The following TRIP4 variants were observed in gnomAD, a reference collection of about 807,000 sequenced individuals.
TRIP4 encodes the protein thyroid hormone receptor interactor 4, also known as activating signal cointegrator 1.
A neutral mutation model predicts 81.8 loss-of-function variants in TRIP4; 54 were observed. That is an observed-to-expected ratio of 0.66 (90% CI 0.53 to 0.83). The LOEUF (loss-of-function observed/expected upper bound fraction) is 0.83. Among genes scored for constraint, TRIP4 ranks in the 40% least tolerant of loss-of-function variants. The probability of loss-of-function intolerance (pLI) is 0.00; values close to 1 mark genes in which losing one functional copy is unlikely to be tolerated. For missense variants in TRIP4, 662 were observed against 683.6 expected (o/e 0.97, Z 0.35); for synonymous variants, 270 against 242.8 (o/e 1.11, Z -1.04).
rs1001164437 is a variant in TRIP4 at position 64,430,502 on chromosome 15, C to CT, written c.1575+4882dup. Reference sequence around the variant, plus strand: ...AACCTCAATAGTAAGGCAGTTAAAACTTTTTTTTTTTAACAAAGACATTTT... The same window carrying CT: ...AACCTCAATAGTAAGGCAGTTAAAACTTTTTTTTTTTTAACAAAGACATTTT... On this transcript the variant is annotated intron_variant, in intron 11 of 12. Coordinates refer to ENST00000261884, the MANE Select transcript of TRIP4 (RefSeq NM_016213.5). Among the ~76,000 whole-genome samples the CT allele has an allele frequency of 6.0e-3, 895 of 148,324 alleles. 5 individuals carry two copies. The highest frequency in any genetic ancestry group is 0.019 in the African/African-American group (765 of 40,684).
At chr15:64,444,332 C>T (rs901870312) in intron 11 of TRIP4, among the ~76,000 whole-genome samples, 4 of 152,180 alleles carry the variant, frequency 2.6e-5, no homozygotes, top group Non-Finnish European at 4.4e-5. Flanking sequence ...TAGTCTTACT[C>T]TAGGTTCTGT....
rs932324086 is a variant in TRIP4 at position 64,427,296 on chromosome 15, C to T, written c.1575+1665C>T. ...ATTTTTCCCAGCAAATTCTCTTTTTCAGACTTACTTACCTTTCATTACTGT... is the reference window on the plus strand; with the variant it reads ...ATTTTTCCCAGCAAATTCTCTTTTTTAGACTTACTTACCTTTCATTACTGT... On this transcript the variant is annotated intron_variant, in intron 11 of 12. Coordinates refer to ENST00000261884, the MANE Select transcript of TRIP4 (RefSeq NM_016213.5). Among the ~76,000 whole-genome samples the T allele has an allele frequency of 2.6e-5, 4 of 152,198 alleles. No individual in the cohort carries two copies. The East Asian group carries it at 7.7e-4, about 29-fold the overall frequency.
chr15:64,412,232 T>A (rs1352216454), intron 7 of TRIP4, among the ~76,000 whole-genome samples: 1 of 152,174 alleles, frequency 6.6e-6, no homozygotes, highest in Non-Finnish European at 1.5e-5. Flanking sequence ...TACTTATCAT[T>A]TTACTGTGTC....
At position 64,424,135 on chromosome 15, in the gene TRIP4, A is replaced by T. The variant is rs146669882; in HGVS notation, c.1463A>T (p.Tyr488Phe). ...GAAGTCTCAGAACTCCAGGCTACAT[A>T]TCGTCTTCTTCGTGGGAAAGGTAAC... ...PQEVSELQAT[Y>F]RLLRGKDVEF... Residue 488 changes from tyrosine to phenylalanine, a missense_variant, in exon 10 of 13, where the codon TAT becomes TTT. Physicochemically the swap from Tyr to Phe is conservative, Grantham distance 22 (BLOSUM62 3). Coordinates refer to ENST00000261884, the MANE Select transcript of TRIP4 (RefSeq NM_016213.5). 1.1e-5 allele frequency: 17 copies of T among 1,614,056 alleles called. No individual in the cohort carries two copies. The highest frequency in any genetic ancestry group is 1.7e-5 in the Admixed American group (1 of 60,002).
At chr15:64,447,270 G>A (rs1197409889) in intron 12 of TRIP4, among the ~76,000 whole-genome samples, 2 of 152,162 alleles carry the variant, frequency 1.3e-5, no homozygotes, top group African/African-American at 4.8e-5. Flanking sequence ...TGTGTGAATT[G>A]CATGATTCTA....
chr15:64,433,558 C>T (rs932154781), intron 11 of TRIP4, among the ~76,000 whole-genome samples: 14 of 151,964 alleles, frequency 9.2e-5, no homozygotes, highest in Non-Finnish European at 1.9e-4. Context: ...CAGCTGAGAT[C>T]GCACCATTGC....
At position 64,387,873 on chromosome 15, in the gene TRIP4, G is replaced by A. The variant is rs1241760808; in HGVS notation, c.10G>A (p.Ala4Thr). The A allele has an allele frequency of 1.3e-6, 2 of 1,546,630 alleles. No individual in the cohort carries two copies. The highest frequency in any genetic ancestry group is 8.7e-7 in the Non-Finnish European group (1 of 1,146,760). ...GTTCCGGCTGGGGAAGATGGCGGTGGCTGGGGCGGTGTCCGGGGAGCCGCT... is the reference window on the plus strand; with the variant it reads ...GTTCCGGCTGGGGAAGATGGCGGTGACTGGGGCGGTGTCCGGGGAGCCGCT... MAV[A>T]GAVSGEPLVH... The change falls in exon 1 of 13, where the codon GCT becomes ACT. Residue 4 changes from alanine (A) to threonine (T), a missense_variant. Ala to Thr is a moderately conservative substitution (Grantham distance 58, BLOSUM62 0). Coordinates refer to ENST00000261884, the MANE Select transcript of TRIP4 (RefSeq NM_016213.5).
In TRIP4 at chr15:64,431,662, C is replaced by T. The variant is rs1892273391; in HGVS notation, c.1575+6031C>T. Among the ~76,000 whole-genome samples the T allele has an allele frequency of 4.0e-5, 6 of 151,092 alleles. No homozygotes were observed. In the South Asian group the frequency reaches 6.3e-4, roughly 16 times the overall value. ...CAGAGGTTGCAGTGAGCAGAGATTG[C>T]ACCACTGCACTCCAGCCTGGGCAAC... On this transcript the variant is annotated intron_variant, in intron 11 of 12. Coordinates refer to ENST00000261884, the MANE Select transcript of TRIP4 (RefSeq NM_016213.5).
chr15:64,417,304 G>A lies in TRIP4; in HGVS notation c.1171-1237G>A, dbSNP rs200307767. Among the ~76,000 whole-genome samples, 4 of 151,996 alleles carry A rather than the reference G, an allele frequency of 2.6e-5. No homozygotes were observed. In the East Asian group the frequency reaches 5.8e-4, roughly 22 times the overall value. Reference sequence around the variant, plus strand: ...TGGGATTACAGACATCGGCCATCATGCCTGGCCCTTATTATTATTTTTAAA... The same window carrying A: ...TGGGATTACAGACATCGGCCATCATACCTGGCCCTTATTATTATTTTTAAA... On this transcript the variant is annotated intron_variant, in intron 8 of 12. Coordinates refer to ENST00000261884, the MANE Select transcript of TRIP4 (RefSeq NM_016213.5).
rs1219511593 is a variant in TRIP4, at chr15:64,390,892, C to T, written c.101+2928C>T. On this transcript the variant is annotated intron_variant, in intron 1 of 12. Transcript: ENST00000261884. Reference sequence around the variant, plus strand: ...CCTGGGCGACAGAGCGAGACTCCGTCTCAAAAAAAAAAAAAAATTATATTC... The same window carrying T: ...CCTGGGCGACAGAGCGAGACTCCGTTTCAAAAAAAAAAAAAAATTATATTC... 3.3e-5 allele frequency among the ~76,000 whole-genome samples: 5 copies of T among 149,538 alleles called. No individual in the cohort carries two copies. The East Asian group carries it at 7.9e-4, about 23-fold the overall frequency.
intron 6 of TRIP4, among the ~76,000 whole-genome samples, chr15:64,408,481 G>C (rs954905991): frequency 6.8e-6 from 1 of 147,720 alleles, no homozygotes; most frequent in Admixed American, 6.8e-5. Context: ...GGATGGTCTC[G>C]ATCTCCTGAC....
At chr15:64,415,857 A>G (rs542242738) in intron 8 of TRIP4, among the ~76,000 whole-genome samples, 1 of 152,372 alleles carries the variant, frequency 6.6e-6, no homozygotes, top group East Asian at 1.9e-4. Context: ...GTTTTGCCCT[A>G]AAGTAGGCAA....
chr15:64,408,737 T>C (rs1442151273), intron 6 of TRIP4, among the ~76,000 whole-genome samples: 3 of 152,188 alleles, frequency 2.0e-5, no homozygotes, highest in Non-Finnish European at 2.9e-5. Context: ...CCCAGGTTTA[T>C]AATATGTAGA....
chr15:64,440,979 T>A (rs1892502907), intron 11 of TRIP4, among the ~76,000 whole-genome samples: 2 of 151,612 alleles, frequency 1.3e-5, no homozygotes, highest in Admixed American at 1.3e-4. Flanking sequence ...AATGCACAAG[T>A]TGGTAAATTC....
chr15:64,423,101 C>T (rs185633965), intron 9 of TRIP4, among the ~76,000 whole-genome samples: 109 of 152,270 alleles, frequency 7.2e-4, no homozygotes, highest in African/African-American at 2.3e-3. Context: ...TTCTGTTATT[C>T]TCTTTAGAGG....
At chr15:64,392,701 AC>A (rs1405522995) in intron 1 of TRIP4, among the ~76,000 whole-genome samples, 14 of 151,918 alleles carry the variant, frequency 9.2e-5, no homozygotes, top group Non-Finnish European at 1.9e-4. Flanking sequence ...TGCAGCCTTC[AC>A]CTCTGAGACT....
intron 12 of TRIP4, among the ~76,000 whole-genome samples, chr15:64,445,830 A>G (rs1190481301): frequency 6.6e-6 from 1 of 152,178 alleles, no homozygotes; most frequent in Non-Finnish European, 1.5e-5. Context: ...AAGTCGCTCT[A>G]AACTTCAATT....
chr15:64,412,123 C>T (rs561613947), intron 7 of TRIP4, among the ~76,000 whole-genome samples: 40 of 152,150 alleles, frequency 2.6e-4, no homozygotes, highest in Admixed American at 4.6e-4. Context: ...TATTCACATT[C>T]CTTTGCTTTA....
chr15:64,409,289 G>A (rs188846999), intron 6 of TRIP4, among the ~76,000 whole-genome samples: 6 of 152,256 alleles, frequency 3.9e-5, no homozygotes, highest in African/African-American at 1.2e-4. Context: ...CTGGATCCCA[G>A]TTACAGAGGG....
Sources: gnomAD v4.1 joint callset for allele counts (sites outside exome capture counted in the v4.1 genomes callset) on GRCh38, gnomAD v4.1.1 for gene constraint, MANE v1.5 for transcripts, NCBI Gene and HGNC (gene_info 2026-07-23, HGNC 2026-07-21) for gene names.